ZSCAN22: variants seen among roughly 807,000 people sequenced by gnomAD.
ZSCAN22 encodes zinc finger and SCAN domain-containing protein 22.
A neutral mutation model predicts 12.4 loss-of-function variants in ZSCAN22; 7 were observed. The observed-to-expected ratio is 0.57, with a 90% CI of 0.32 to 1.06. The LOEUF (loss-of-function observed/expected upper bound fraction) is 1.06. Among genes scored for constraint, ZSCAN22 ranks in the 50% least tolerant of loss-of-function variants. The pLI is 0.04. For synonymous variants in ZSCAN22, 243 were observed against 255.9 expected (o/e 0.95, Z 0.48); for missense variants, 576 against 631.7 (o/e 0.91, Z 0.94).
chr19:58,337,471 G>A (rs8105438), intron 2 of ZSCAN22, among the ~76,000 whole-genome samples: 1,013 of 58,044 alleles, frequency 0.017, 14 homozygotes, highest in African/African-American at 0.082. Flanking sequence ...GTGAGGGACA[G>A]AACTCCAACC....
At chr19:58,336,201 G>C (rs1330185708) in intron 2 of ZSCAN22, among the ~76,000 whole-genome samples, 1 of 152,214 alleles carries the variant, frequency 6.6e-6, no homozygotes, top group African/African-American at 2.4e-5. Context: ...CCTTAGTGGT[G>C]TTGCGAGATA....
At chr19:58,334,205 A>C (rs998164729) in intron 1 of ZSCAN22, among the ~76,000 whole-genome samples, 1 of 152,124 alleles carries the variant, frequency 6.6e-6, no homozygotes, top group African/African-American at 2.4e-5. Context: ...CTCTCTGTTA[A>C]CCCTTCACTA....
Position 58,338,273 on chromosome 19 carries a change from G to C in ZSCAN22, c.423G>C (p.Glu141Asp). 6.2e-7 allele frequency: 1 copy of C among 1,600,822 alleles called. No individual in the cohort carries two copies. Among genetic ancestry groups the C allele is most frequent in the Non-Finnish European group, 8.5e-7 (1 of 1,169,916 alleles). Reference sequence around the variant, plus strand: ...TTTCAGGATGGGATCCAGGAGCCGAGCCCACAGAGGCAAGCTGCAAGCAGA... The same window carrying C: ...TTTCAGGATGGGATCCAGGAGCCGACCCCACAGAGGCAAGCTGCAAGCAGA... ...LDKRGWDPGA[E>D]PTEASCKQSD... The change falls in exon 3 of 3, where the codon GAG (glutamate) becomes GAC (aspartate). Residue 141 changes from glutamate (E) to aspartate (D), a missense_variant. Transcript: ENST00000329665. This position sits in a 1 kb window ranked among gnomAD's most constrained non-coding sequence, Gnocchi z 5.4.
At chr19:58,337,884 G>T (rs2051815960) in intron 2 of ZSCAN22, among the ~76,000 whole-genome samples, 2 of 152,238 alleles carry the variant, frequency 1.3e-5, no homozygotes, top group Admixed American at 1.3e-4. Context: ...ACAGAGATCA[G>T]AGCCTGCAGG....
intron 1 of ZSCAN22, among the ~76,000 whole-genome samples, chr19:58,333,959 G>A (rs1018234395): frequency 6.6e-6 from 1 of 152,264 alleles, no homozygotes; most frequent in Non-Finnish European, 1.5e-5. Flanking sequence ...AACTTGTGAT[G>A]TATAGCTAAA....
chr19:58,341,281 CTT>C lies in ZSCAN22; in HGVS notation c.*1957_*1958del, dbSNP rs1398129788. On this transcript the variant is annotated 3_prime_UTR_variant, in exon 3 of 3. Coordinates refer to ENST00000329665, the MANE Select transcript of ZSCAN22 (RefSeq NM_181846.3). ...GATCCCCTGGTGTCATGGACTTAGT[CTT>C]TGCCAGCATTCTGTCCATGTGTTCT... The C allele has an allele frequency of 1.3e-5, 2 of 152,202 alleles. No homozygotes were observed. Among genetic ancestry groups the C allele is most frequent in the Non-Finnish European group, 2.9e-5 (2 of 68,032 alleles). The allele number at this position is 152,202 out of a possible 1,614,324, so 9.4% of individuals were successfully genotyped here.
At chr19:58,327,334 G>A (rs1262318059) in intron 1 of ZSCAN22, among the ~76,000 whole-genome samples, 3 of 152,102 alleles carry the variant, frequency 2.0e-5, no homozygotes, top group Non-Finnish European at 4.4e-5. Flanking sequence ...GACGGACCGT[G>A]TGTGCACGGA....
At chr19:58,337,159 G>A (rs924243496) in intron 2 of ZSCAN22, among the ~76,000 whole-genome samples, 4 of 152,226 alleles carry the variant, frequency 2.6e-5, no homozygotes, top group Non-Finnish European at 5.9e-5. Flanking sequence ...GGTACCTCAT[G>A]TACTCACCCC....
rs2051847909 is a variant in ZSCAN22, at chr19:58,339,664, A to T, written c.*338A>T. 7.9e-6 allele frequency: 2 copies of T among 253,042 alleles called. No homozygotes were observed. The highest frequency in any genetic ancestry group is 4.4e-5 in the African/African-American group (2 of 45,134). 15.7% of individuals were successfully genotyped at this position (253,042 alleles called of 1,614,324 possible). On this transcript the variant is annotated 3_prime_UTR_variant, in exon 3 of 3. Coordinates refer to ENST00000329665, the MANE Select transcript of ZSCAN22 (RefSeq NM_181846.3). The surrounding 1 kb of genome is among the most constrained non-coding windows in gnomAD (Gnocchi z 5.6). Reference sequence around the variant, plus strand: ...GGGCAAATGAAGGCGCATGTCTCTCAGAACTCAGCGTCCCAAGACGCTCTG... The same window carrying T: ...GGGCAAATGAAGGCGCATGTCTCTCTGAACTCAGCGTCCCAAGACGCTCTG...
At position 58,334,757 on chromosome 19, in the gene ZSCAN22, G is replaced by A. The variant is rs908023276; in HGVS notation, c.-46G>A. ...AAGCTCTGACATTCCTGCAGGCCCA[G>A]TTCCAAGGCTCCGGCATCCTGTGTC... On this transcript the variant is annotated 5_prime_UTR_variant, in exon 2 of 3. Transcript: ENST00000329665. The A allele has an allele frequency of 2.0e-6, 3 of 1,526,456 alleles. No individual in the cohort carries two copies. The highest frequency in any genetic ancestry group is 1.3e-5 in the South Asian group (1 of 79,404). The allele number at this position is 1,526,456 out of a possible 1,614,324, so 94.6% of individuals were successfully genotyped here.
chr19:58,338,430 T>C lies in ZSCAN22; in HGVS notation c.580T>C (p.Trp194Arg). Residue 194 changes from tryptophan to arginine, a missense_variant, in exon 3 of 3, where the codon TGG becomes CGG. Coordinates refer to ENST00000329665, the MANE Select transcript of ZSCAN22 (RefSeq NM_181846.3). The surrounding 1 kb of genome is among the most constrained non-coding windows in gnomAD (Gnocchi z 5.4). ...GAGGTCTGGACTATCAGGGGAGATC[T>C]GGACAAAGTCTGTCACCCAACAGAT... ...SERSGLSGEI[W>R]TKSVTQQIHF... 1 of 1,614,172 alleles carries C rather than the reference T, an allele frequency of 6.2e-7. No individual in the cohort carries two copies. Among genetic ancestry groups the C allele is most frequent in the Non-Finnish European group, 8.5e-7 (1 of 1,180,018 alleles).
chr19:58,335,211 G>C lies in ZSCAN22; in HGVS notation c.403+6G>C, dbSNP rs370480074. The C allele has an allele frequency of 6.4e-7, 1 of 1,567,490 alleles. No individual in the cohort carries two copies. The highest frequency in any genetic ancestry group is 1.4e-5 in the African/African-American group (1 of 73,824). On this transcript the variant is annotated splice_donor_region_variant and intron_variant, in intron 2 of 2. Transcript: ENST00000329665. The surrounding 1 kb of genome is among the most constrained non-coding windows in gnomAD (Gnocchi z 4.1). ...TCAGGTGCTGGACAAGAGAGGTAAA[G>C]GGGCGCCGTGGGCAGCTTCACGGCA...
rs2051819223 is a variant in ZSCAN22 at position 58,338,133 on chromosome 19, C to A, written c.404-121C>A. On this transcript the variant is annotated intron_variant, in intron 2 of 2. Transcript: ENST00000329665. The surrounding 1 kb of genome is among the most constrained non-coding windows in gnomAD (Gnocchi z 5.4). ...CCAAATGAGAAACTTCCCCTTGGAA[C>A]TGGGGCCAGATGTTAGGAACGGGCC... 1.1e-6 allele frequency: 1 copy of A among 892,566 alleles called. No individual in the cohort carries two copies. Among genetic ancestry groups the A allele is most frequent in the African/African-American group, 1.7e-5 (1 of 60,122 alleles). 55.3% of individuals were successfully genotyped at this position (892,566 alleles called of 1,614,324 possible). A position where few individuals can be genotyped will look rare whatever the true frequency, so the allele number is the denominator to read the frequency against.
Position 58,338,338 on chromosome 19 carries a change from C to A in ZSCAN22, c.488C>A (p.Thr163Asn), listed in dbSNP as rs142122463. Residue 163 changes from threonine to asparagine, a missense_variant, in exon 3 of 3, where the codon ACC becomes AAC. Transcript: ENST00000329665. This position sits in a 1 kb window ranked among gnomAD's most constrained non-coding sequence, Gnocchi z 5.4. ...GESEPSNVTETLMGGVSLGPA... is the reference protein window; with the variant it reads ...GESEPSNVTENLMGGVSLGPA... ...TCAGAGCCATCAAATGTCACTGAGA[C>A]CCTCATGGGAGGTGTTTCCCTTGGA... 2.9e-5 allele frequency: 47 copies of A among 1,614,040 alleles called. No homozygotes were observed. In the African/African-American group the frequency reaches 4.0e-4, roughly 14 times the overall value.
At chr19:58,331,650 T>G (rs929430093) in intron 1 of ZSCAN22, among the ~76,000 whole-genome samples, 1 of 151,000 alleles carries the variant, frequency 6.6e-6, no homozygotes, top group Admixed American at 6.6e-5. Flanking sequence ...GTTCAAGAGA[T>G]TCTCCTGCCT....
chr19:58,334,685 C>T lies in ZSCAN22; in HGVS notation c.-51-67C>T, dbSNP rs573294852. 9 of 1,201,544 alleles carry T rather than the reference C, an allele frequency of 7.5e-6. No homozygotes were observed. The East Asian group carries it at 1.8e-4, about 24-fold the overall frequency. 74.4% of individuals were successfully genotyped at this position (1,201,544 alleles called of 1,614,324 possible). ...CTCACGGGCCACAAGCCTGTGTTTTCCCTGCTCTGTAGGCATGAGGCAGGG... is the reference window on the plus strand; with the variant it reads ...CTCACGGGCCACAAGCCTGTGTTTTTCCTGCTCTGTAGGCATGAGGCAGGG... On this transcript the variant is annotated intron_variant, in intron 1 of 2. Transcript: ENST00000329665.
rs766872625 is a variant in ZSCAN22, at chr19:58,339,307, A to G, written c.1457A>G (p.His486Arg). Residue 486 changes from histidine (H) to arginine (R), a missense_variant, in exon 3 of 3, where the codon CAC (histidine) becomes CGC (arginine). Transcript: ENST00000329665. This position sits in a 1 kb window ranked among gnomAD's most constrained non-coding sequence, Gnocchi z 5.6. ...SSALMVHLRI[H>R]ITVLQ ...GCCCTGATGGTTCACTTGCGGATCC[A>G]CATCACGGTGCTGCAATGACCGGAA... 1.7e-5 allele frequency: 28 copies of G among 1,610,034 alleles called. No individual in the cohort carries two copies. The highest frequency in any genetic ancestry group is 4.0e-5 in the African/African-American group (3 of 74,876).
At chr19:58,333,821 C>T (rs56654816) in intron 1 of ZSCAN22, among the ~76,000 whole-genome samples, 1 of 151,948 alleles carries the variant, frequency 6.6e-6, no homozygotes, top group African/African-American at 2.4e-5. Context: ...CCAGCCTGGG[C>T]GACAGAGGGA....
intron 2 of ZSCAN22, among the ~76,000 whole-genome samples, chr19:58,336,299 T>C (rs969722745): frequency 6.6e-6 from 1 of 152,186 alleles, no homozygotes; most frequent in East Asian, 1.9e-4. Flanking sequence ...TTTGTTCAGC[T>C]CTGGGAGAAA....
Sources: allele counts gnomAD v4.1 joint callset (sites outside exome capture counted in the v4.1 genomes callset), GRCh38; gene constraint gnomAD v4.1.1; non-coding constraint Gnocchi (gnomAD v3.1); transcripts MANE v1.5; gene names NCBI Gene and HGNC (gene_info 2026-07-23, HGNC 2026-07-21).